The following SLC6A7 variants were observed in gnomAD, a reference collection of about 807,000 sequenced individuals.
SLC6A7 encodes solute carrier family 6 member 7.
Under a neutral mutation model 73.1 loss-of-function variants are expected in SLC6A7, and 58 were observed. The observed-to-expected ratio is 0.79, with a 90% CI of 0.64 to 0.99. SLC6A7 has a LOEUF of 0.99. SLC6A7 is among the 50% of genes least tolerant of loss of function. The pLI is 0.00. For synonymous variants in SLC6A7, 338 were observed against 338.7 expected (o/e 1.00, Z 0.02); for missense variants, 783 against 831.4 (o/e 0.94, Z 0.72).
chr5:150,204,627 G>T lies in SLC6A7; in HGVS notation c.1428G>T (p.Val476=), dbSNP rs765121125. The change falls in exon 11 of 14, where the codon GTG becomes GTT. Residue 476 remains valine, a synonymous_variant. Coordinates refer to ENST00000230671, the MANE Select transcript of SLC6A7 (RefSeq NM_014228.5). The stretch of plus-strand genomic sequence containing the variant: ...CCACGTGCCTTGCCGTGACACGGGT[G>T]TATGGTGAGAAGAGCCGTGGGAAGT... The part of the protein sequence containing the change: ...VITTCLAVTR[V]YGIQRFCRDI... The T allele has an allele frequency of 1.9e-6, 3 of 1,607,612 alleles. No individual in the cohort carries two copies. The East Asian group carries it at 6.7e-5, about 36-fold the overall frequency.
intron 9 of SLC6A7, 25 bp from the exon 10 acceptor site, chr5:150,203,881 AC>A: frequency 6.3e-7 from 1 of 1,584,734 alleles, no homozygotes; most frequent in Non-Finnish European, 8.6e-7. Context: ...TAGAATTCTG[AC>A]CCCCAGCCCC....
chr5:150,190,815 C>A (rs980206197), intron 1 of SLC6A7, among the ~76,000 whole-genome samples: 3 of 152,158 alleles, frequency 2.0e-5, no homozygotes, highest in African/African-American at 7.2e-5. Flanking sequence ...CCTGAGCCTG[C>A]GGGAAGACTC....
chr5:150,203,271 C>A (rs1329528802), intron 8 of SLC6A7, among the ~76,000 whole-genome samples: 5 of 152,020 alleles, frequency 3.3e-5, no homozygotes, highest in Non-Finnish European at 7.4e-5. Flanking sequence ...GCTTTGGTTG[C>A]ACAAATAAGT....
At chr5:150,198,110 A>AAAGAAG (rs1753157627) in intron 4 of SLC6A7, among the ~76,000 whole-genome samples, 1 of 93,558 alleles carries the variant, frequency 1.1e-5, no homozygotes, top group African/African-American at 5.0e-5. Flanking sequence ...AAAGAAAGAA[A>AAAGAAG]GAAAGAGAAA....
chr5:150,202,727 TG>T, intron 8 of SLC6A7, 24 bp downstream of exon 8: 1 of 1,612,712 alleles, frequency 6.2e-7, no homozygotes, highest in East Asian at 2.2e-5. Context: ...CAGGCCTCAG[TG>T]GGGTGAGCAT....
At chr5:150,193,602 G>A (rs915610032) in intron 1 of SLC6A7, among the ~76,000 whole-genome samples, 1 of 152,068 alleles carries the variant, frequency 6.6e-6, no homozygotes, top group Non-Finnish European at 1.5e-5. Context: ...TTCTTAGTAG[G>A]CCCCATTTGA....
chr5:150,193,829 C>G (rs1354298229), intron 1 of SLC6A7, among the ~76,000 whole-genome samples: 1 of 152,178 alleles, frequency 6.6e-6, no homozygotes, highest in Non-Finnish European at 1.5e-5. Context: ...AACAAAACTC[C>G]AGCACTGGTG....
intron 8 of SLC6A7, among the ~76,000 whole-genome samples, chr5:150,203,415 T>TAA (rs2113983337): frequency 6.6e-6 from 1 of 152,214 alleles, no homozygotes; most frequent in East Asian, 1.9e-4. Context: ...ATTGTATACA[T>TAA]AAGTATATTT....
Position 150,196,704 on chromosome 5 carries a change from C to A in SLC6A7, c.218-12C>A. Reference sequence around the variant, plus strand: ...CCCCCAAGGCCCTTGCTGACCACCCCGCTCCCGGCAGGCGCCTTCCTCGTG... The same window carrying A: ...CCCCCAAGGCCCTTGCTGACCACCCAGCTCCCGGCAGGCGCCTTCCTCGTG... On this transcript the variant is annotated splice_polypyrimidine_tract_variant and intron_variant, in intron 2 of 13. Transcript: ENST00000230671. 6.2e-7 allele frequency: 1 copy of A among 1,611,030 alleles called. No homozygotes were observed. The highest frequency in any genetic ancestry group is 8.5e-7 in the Non-Finnish European group (1 of 1,178,354).
At chr5:150,199,708 G>A (rs1003108981) in intron 5 of SLC6A7, among the ~76,000 whole-genome samples, 3 of 152,170 alleles carry the variant, frequency 2.0e-5, no homozygotes, top group Non-Finnish European at 4.4e-5. Context: ...TGAGATGCAG[G>A]TGACCAGAAC....
rs1315558165 is a variant in SLC6A7 at position 150,190,377 on chromosome 5, G to T, written c.33+17G>T. 1 of 1,481,176 alleles carries T rather than the reference G, an allele frequency of 6.8e-7. No individual in the cohort carries two copies. The highest frequency in any genetic ancestry group is 9.0e-7 in the Non-Finnish European group (1 of 1,116,350). The allele number at this position is 1,481,176 out of a possible 1,614,324, so 91.8% of individuals were successfully genotyped here. ...CTCCGCAAGGTAGGGCACGAGGGCG[G>T]GGGCGCTGGGGGTGCACCTGGAGGA... On this transcript the variant is annotated intron_variant, in intron 1 of 13. Transcript: ENST00000230671.
At chr5:150,193,189 C>T (rs572925826) in intron 1 of SLC6A7, among the ~76,000 whole-genome samples, 21 of 152,348 alleles carry the variant, frequency 1.4e-4, no homozygotes, top group African/African-American at 4.3e-4. Flanking sequence ...CCTGTCACCA[C>T]GGCCCCTGTG....
intron 4 of SLC6A7, among the ~76,000 whole-genome samples, chr5:150,198,089 AAG>A (rs1178196721): frequency 9.5e-6 from 1 of 105,004 alleles, no homozygotes; most frequent in Non-Finnish European, 2.2e-5. Context: ...GAAAGAAAGA[AAG>A]AAAGAAAGAA....
rs1753633682 is a variant in SLC6A7, at chr5:150,205,321, C to CT, written c.1534-135_1534-134insT. On this transcript the variant is annotated intron_variant, in intron 12 of 13. Transcript: ENST00000230671. ...TCCAAAGATGGCCCACTTCAGGGTT[C>CT]GGTACAGCTTAGGATCCTGGGTAGC... 1.0e-4 allele frequency: 69 copies of CT among 663,682 alleles called. 1 individual carries two copies. The highest frequency in any genetic ancestry group is 1.0e-3 in the South Asian group (51 of 49,432). The allele number at this position is 663,682 out of a possible 1,614,324, so 41.1% of individuals were successfully genotyped here.
Position 150,199,386 on chromosome 5 carries a change from G to T in SLC6A7, c.723+20G>T. ...GGCAAGGTGAAGCCTGGGAGGCCCCGGAGGCCTGAGGGGCTGGATGGGGTG... is the reference window on the plus strand; with the variant it reads ...GGCAAGGTGAAGCCTGGGAGGCCCCTGAGGCCTGAGGGGCTGGATGGGGTG... On this transcript the variant is annotated intron_variant, in intron 5 of 13. Coordinates refer to ENST00000230671, the MANE Select transcript of SLC6A7 (RefSeq NM_014228.5). 1 of 1,587,808 alleles carries T rather than the reference G, an allele frequency of 6.3e-7. No individual in the cohort carries two copies. Among genetic ancestry groups the T allele is most frequent in the South Asian group, 1.1e-5 (1 of 89,962 alleles).
chr5:150,193,349 T>A (rs1752869416), intron 1 of SLC6A7, among the ~76,000 whole-genome samples: 1 of 152,158 alleles, frequency 6.6e-6, no homozygotes, highest in African/African-American at 2.4e-5. Flanking sequence ...TGGGCATGCA[T>A]CTCCTCTCCA....
At chr5:150,208,993 T>A (rs909574165) in intron 13 of SLC6A7, among the ~76,000 whole-genome samples, 2 of 152,216 alleles carry the variant, frequency 1.3e-5, no homozygotes, top group Non-Finnish European at 2.9e-5. Flanking sequence ...GGCTCCCGGA[T>A]TGGCATTCAG....
Position 150,205,565 on chromosome 5 carries a change from T to A in SLC6A7, c.1643T>A (p.Leu548His). Residue 548 changes from leucine to histidine, a missense_variant, in exon 13 of 14, where the codon CTC becomes CAC. Coordinates refer to ENST00000230671, the MANE Select transcript of SLC6A7 (RefSeq NM_014228.5). ...LGILMGLLSC[L>H]MIPAGMLVAV... ...ATCCTGATGGGCCTGCTGTCCTGCC[T>A]CATGATCCCAGCTGGCATGCTGGTG... is the stretch of plus-strand genomic sequence containing the variant. 1 of 1,613,644 alleles carries A rather than the reference T, an allele frequency of 6.2e-7. No individual in the cohort carries two copies. The highest frequency in any genetic ancestry group is 1.7e-5 in the Admixed American group (1 of 59,990).
Position 150,206,998 on chromosome 5 carries a change from C to T in SLC6A7, c.1701+1375C>T, listed in dbSNP as rs570728180. Among the ~76,000 whole-genome samples, 12 of 152,310 alleles carry T rather than the reference C, an allele frequency of 7.9e-5. No individual in the cohort carries two copies. In the South Asian group the frequency reaches 2.3e-3, roughly 29 times the overall value. The stretch of plus-strand genomic sequence containing the variant: ...GGTGAGCACTGCGGAAGAGGCATTC[C>T]CCAGCTCAGGAATGCCAGCTTCAGA... On this transcript the variant is annotated intron_variant, in intron 13 of 13. Coordinates refer to ENST00000230671, the MANE Select transcript of SLC6A7 (RefSeq NM_014228.5).
Sources: gnomAD v4.1 joint callset for allele counts (sites outside exome capture counted in the v4.1 genomes callset) on GRCh38, gnomAD v4.1.1 for gene constraint, MANE v1.5 for transcripts, NCBI Gene and HGNC (gene_info 2026-07-23, HGNC 2026-07-21) for gene names.